The following COL28A1 variants were observed in gnomAD, a reference collection of about 807,000 sequenced individuals.
COL28A1 encodes the protein collagen type XXVIII alpha 1 chain.
COL28A1 carries 161 observed loss-of-function variants against 150.2 expected under a neutral mutation model. The ratio of observed to expected loss-of-function variants is 1.07; its 90% CI spans 0.94 to 1.22. The LOEUF is 1.22. Among genes scored for constraint, COL28A1 ranks in the 50% most tolerant of loss-of-function variants. The pLI, the probability that COL28A1 is intolerant of heterozygous loss-of-function variation, is 0.00. For missense variants in COL28A1, 1,617 were observed against 1,388.3 expected (o/e 1.16, Z -2.62); for synonymous variants, 552 against 469.7 (o/e 1.18, Z -2.26).
intron 15 of COL28A1, among the ~76,000 whole-genome samples, chr7:7,459,711 C>G (rs1284339300): frequency 1.3e-5 from 2 of 152,122 alleles, no homozygotes; most frequent in African/African-American, 4.8e-5. Flanking sequence ...TTAAAGAAAA[C>G]AAATAGCCAG....
At chr7:7,356,699 G>A (rs546608549), downstream of COL28A1, 8 of 151,736 alleles carry the variant, frequency 5.3e-5, no homozygotes, top group Non-Finnish European at 8.8e-5. Context: ...GTTGTGGGGT[G>A]GCGGGGGAGT....
chr7:7,389,948 T>G (rs1782437127), intron 27 of COL28A1, among the ~76,000 whole-genome samples: 1 of 152,198 alleles, frequency 6.6e-6, no homozygotes, highest in South Asian at 2.1e-4. Flanking sequence ...TAGGGACAAT[T>G]TGATTTCCTC....
At position 7,373,470 on chromosome 7, in the gene COL28A1, C is replaced by A. The variant is rs1781345902; in HGVS notation, c.2436G>T (p.Glu812Asp). 6.2e-7 allele frequency: 1 copy of A among 1,613,996 alleles called. No individual in the cohort carries two copies. The highest frequency in any genetic ancestry group is 8.5e-7 in the Non-Finnish European group (1 of 1,180,032). ...CAAAATTTTTAATGATCTGAAAGTT[C>A]TCTGGCCCCACGCTTTCTGAGCTGT... is the stretch of plus-strand genomic sequence containing the variant. ...VIDSSESVGP[E>D]NFQIIKNFVK... Residue 812 changes from glutamate (E) to aspartate (D), a missense_variant, in exon 32 of 35, where the codon GAG becomes GAT. By Grantham distance (45) the Glu-to-Asp change is conservative. Transcript: ENST00000399429. The surrounding 1 kb of genome is among the most constrained non-coding windows in gnomAD (Gnocchi z 4.1).
At chr7:7,434,879 G>C (rs965130094) in intron 23 of COL28A1, among the ~76,000 whole-genome samples, 4 of 152,132 alleles carry the variant, frequency 2.6e-5, no homozygotes, top group Non-Finnish European at 4.4e-5. Flanking sequence ...AGAAATTAGG[G>C]TAAAAATGGA....
intron 11 of COL28A1, among the ~76,000 whole-genome samples, chr7:7,497,733 G>A (rs1011702141): frequency 6.6e-6 from 1 of 152,038 alleles, no homozygotes; most frequent in Non-Finnish European, 1.5e-5. Context: ...ATAAGCCAAG[G>A]GGAAATATAA....
At chr7:7,388,045 TG>T (rs1399944590) in intron 27 of COL28A1, among the ~76,000 whole-genome samples, 1 of 152,062 alleles carries the variant, frequency 6.6e-6, no homozygotes, top group Non-Finnish European at 1.5e-5. Flanking sequence ...TTATAATTTC[TG>T]GGGTACATGT....
chr7:7,446,350 CAAT>C (rs778571635), intron 18 of COL28A1, among the ~76,000 whole-genome samples: 16 of 151,660 alleles, frequency 1.1e-4, no homozygotes, highest in Non-Finnish European at 2.2e-4. Flanking sequence ...TATTGGAAAA[CAAT>C]AATAATCTTT....
intron 11 of COL28A1, among the ~76,000 whole-genome samples, chr7:7,503,019 A>G (rs1330189138): frequency 6.6e-6 from 1 of 152,202 alleles, no homozygotes; most frequent in Admixed American, 6.5e-5. Flanking sequence ...GATGAAGATT[A>G]AAACCCAGGA....
upstream of COL28A1, among the ~76,000 whole-genome samples, chr7:7,536,518 T>A (rs976435457): frequency 3.9e-5 from 6 of 152,086 alleles, no homozygotes; most frequent in Admixed American, 2.0e-4. Context: ...TAGGAAAGGA[T>A]CACTGTGGTT....
chr7:7,415,311 T>C (rs926737958), intron 27 of COL28A1, among the ~76,000 whole-genome samples: 1 of 152,200 alleles, frequency 6.6e-6, no homozygotes, highest in Non-Finnish European at 1.5e-5. Context: ...ATGTAAGAAA[T>C]GAAATTTTAC....
chr7:7,416,989 G>A (rs888155490), intron 27 of COL28A1, among the ~76,000 whole-genome samples: 44 of 150,730 alleles, frequency 2.9e-4, no homozygotes, highest in African/African-American at 1.0e-3. Flanking sequence ...GCTTAAGCAT[G>A]GTAAAAATAT....
chr7:7,461,551 G>C (rs576064364), intron 15 of COL28A1, among the ~76,000 whole-genome samples: 2 of 152,116 alleles, frequency 1.3e-5, no homozygotes, highest in African/African-American at 2.4e-5. Flanking sequence ...GGGAGGGCAC[G>C]GTGGGAGTCA....
chr7:7,473,057 C>T (rs1432313203), intron 15 of COL28A1, among the ~76,000 whole-genome samples: 1 of 152,104 alleles, frequency 6.6e-6, no homozygotes. Flanking sequence ...AATCTAAAAC[C>T]TGAAACTATA....
At chr7:7,421,062 A>G (rs1021430649) in intron 25 of COL28A1, among the ~76,000 whole-genome samples, 20 of 152,258 alleles carry the variant, frequency 1.3e-4, no homozygotes, top group Non-Finnish European at 8.8e-5. Context: ...AGCATTATAC[A>G]TAATCATCCA....
chr7:7,500,406 T>A (rs1157886274), intron 11 of COL28A1, among the ~76,000 whole-genome samples: 1 of 152,248 alleles, frequency 6.6e-6, no homozygotes, highest in Non-Finnish European at 1.5e-5. Context: ...GATAGTGGTG[T>A]TCCTGACCCA....
At chr7:7,401,519 TAG>T (rs1266960949) in intron 27 of COL28A1, among the ~76,000 whole-genome samples, 2 of 152,266 alleles carry the variant, frequency 1.3e-5, no homozygotes, top group Admixed American at 1.3e-4. Context: ...TCCTATTATA[TAG>T]AGTCTCCCAT....
At position 7,478,002 on chromosome 7, in the gene COL28A1, CG is replaced by C. The variant is rs570291390; in HGVS notation, c.1165-823del. ...GCTAGATTAGCTAGATACAGAGTGT[CG>C]ATTGGTATATTTACAAACCCTGAGC... On this transcript the variant is annotated intron_variant, in intron 13 of 34. Coordinates refer to ENST00000399429, the MANE Select transcript of COL28A1 (RefSeq NM_001037763.3). 2.6e-3 allele frequency among the ~76,000 whole-genome samples: 392 copies of C among 152,080 alleles called. 2 individuals are homozygous for C. Among genetic ancestry groups the C allele is most frequent in the African/African-American group, 9.0e-3 (372 of 41,466 alleles).
chr7:7,503,099 C>T (rs1246380251), intron 11 of COL28A1, among the ~76,000 whole-genome samples: 2 of 152,148 alleles, frequency 1.3e-5, no homozygotes, highest in Admixed American at 6.6e-5. Flanking sequence ...ATAGAACTTC[C>T]ACACTGTCAA....
chr7:7,511,281 T>G lies in COL28A1; in HGVS notation c.883-146A>C, dbSNP rs17461474. On this transcript the variant is annotated intron_variant, in intron 8 of 34. Coordinates refer to ENST00000399429, the MANE Select transcript of COL28A1 (RefSeq NM_001037763.3). ...TTCTACACAATATTAGCCTCAATAC[T>G]GTGGGTTTTATGGGCATTGAAATCT... is the stretch of plus-strand genomic sequence containing the variant. 5.4e-3 allele frequency: 3,331 copies of G among 614,428 alleles called. 16 individuals are homozygous for G. The highest frequency in any genetic ancestry group is 0.015 in the East Asian group (501 of 33,040). 38.1% of individuals were successfully genotyped at this position (614,428 alleles called of 1,614,324 possible).
Sources: gnomAD v4.1 joint callset for allele counts (sites outside exome capture counted in the v4.1 genomes callset) on GRCh38, gnomAD v4.1.1 for gene constraint, Gnocchi (gnomAD v3.1) non-coding constraint, MANE v1.5 for transcripts, NCBI Gene and HGNC (gene_info 2026-07-23, HGNC 2026-07-21) for gene names.